Variants in ADAMTSL1 observed in about 807,000 individuals in gnomAD.
ADAMTSL1 encodes the protein ADAMTS like 1, also known as ADAMTS-like protein 1.
In ADAMTSL1, 126 loss-of-function variants were observed where a neutral mutation model predicts 201.8. The observed-to-expected ratio is 0.62, with a 90% confidence interval of 0.54 to 0.72. The LOEUF (loss-of-function observed/expected upper bound fraction) is 0.72. Ranked by LOEUF, ADAMTSL1 falls within the 30% of genes least tolerant of loss-of-function variation. The probability of loss-of-function intolerance (pLI) is 0.00; values close to 1 mark genes in which losing one functional copy is unlikely to be tolerated. For synonymous variants in ADAMTSL1, 1,121 were observed against 903.4 expected, an observed-to-expected ratio of 1.24 and a Z score of -4.32; for missense variants, 2,679 against 2,277.8, an observed-to-expected ratio of 1.18 and a Z score of -3.59.
At chr9:18,031,945 T>A (rs960164289) in intron 1 of ADAMTSL1, among the ~76,000 whole-genome samples, 2 of 152,178 alleles carry the variant, frequency 1.3e-5, no homozygotes, top group African/African-American at 4.8e-5. Context: ...GAAATTGGTA[T>A]GGTGCCCACA....
Position 18,325,900 on chromosome 9 carries a change from C to T in ADAMTSL1, c.207+161919C>T, listed in dbSNP as rs188814980. ...GGATTACAGGCATGCACCACTACGCCTGGCTAATTTTTGTGTTTTTAGTAG... is the reference window on the plus strand; with the variant it reads ...GGATTACAGGCATGCACCACTACGCTTGGCTAATTTTTGTGTTTTTAGTAG... On this transcript the variant is annotated intron_variant, in intron 2 of 29. Coordinates refer to the ADAMTSL1 transcript ENST00000680146. 1.5e-3 allele frequency among the ~76,000 whole-genome samples: 229 copies of T among 152,272 alleles called. 1 individual carries two copies. Among genetic ancestry groups the T allele is most frequent in the African/African-American group, 5.2e-3 (218 of 41,550 alleles).
intron 1 of ADAMTSL1, among the ~76,000 whole-genome samples, chr9:17,959,972 G>T (rs2131395553): frequency 6.6e-6 from 1 of 152,192 alleles, no homozygotes; most frequent in South Asian, 2.1e-4. Flanking sequence ...GTATTAGTTA[G>T]GATTAATTTC....
chr9:18,397,331 C>T (rs1817794630), intron 2 of ADAMTSL1, among the ~76,000 whole-genome samples: 1 of 152,038 alleles, frequency 6.6e-6, no homozygotes, highest in South Asian at 2.1e-4. Context: ...GAGAAAGGAA[C>T]ACATTCTCTG....
At chr9:18,475,903 A>G (rs1404181737) in intron 1 of ADAMTSL1, among the ~76,000 whole-genome samples, 4 of 152,094 alleles carry the variant, frequency 2.6e-5, no homozygotes, top group Admixed American at 2.6e-4. Context: ...TTTGCTATCC[A>G]TTTGGTAAAC....
chr9:18,763,217 A>C (rs1026709410), intron 16 of ADAMTSL1, among the ~76,000 whole-genome samples: 1 of 152,060 alleles, frequency 6.6e-6, no homozygotes, highest in Admixed American at 6.6e-5. Context: ...GGGTGAGGTG[A>C]TATCTCATTG....
At chr9:18,221,222 G>A (rs1037734304) in intron 2 of ADAMTSL1, among the ~76,000 whole-genome samples, 2 of 152,042 alleles carry the variant, frequency 1.3e-5, no homozygotes, top group East Asian at 1.9e-4. Flanking sequence ...TTTAACCCCC[G>A]CAAATTGGAC....
chr9:17,978,747 T>C (rs1032755489), intron 1 of ADAMTSL1, among the ~76,000 whole-genome samples: 2 of 152,060 alleles, frequency 1.3e-5, no homozygotes, highest in African/African-American at 4.8e-5. Flanking sequence ...TGAATTTTTC[T>C]AAATACTTAC....
At chr9:18,482,646 C>A (rs76176531) in intron 1 of ADAMTSL1, among the ~76,000 whole-genome samples, 1 of 152,216 alleles carries the variant, frequency 6.6e-6, no homozygotes, top group Non-Finnish European at 1.5e-5. Flanking sequence ...ATATACCTCA[C>A]TTTGTTCCCA....
chr9:18,132,614 ACTTCTCCAAGTGGGCTTCTTTGC>A (rs1353296461), intron 1 of ADAMTSL1, among the ~76,000 whole-genome samples: 2 of 152,118 alleles, frequency 1.3e-5, no homozygotes, highest in African/African-American at 4.8e-5. Context: ...ATTGTATCAC[ACTTCTCCAAGTGGGCTTCTTTGC>A]CTCAGGCTTC....
chr9:18,299,858 A>G (rs1833630428), intron 2 of ADAMTSL1, among the ~76,000 whole-genome samples: 1 of 152,242 alleles, frequency 6.6e-6, no homozygotes, highest in African/African-American at 2.4e-5. Flanking sequence ...ATTTCAAAAT[A>G]CCAGGAAAGT....
chr9:18,297,368 T>A (rs1164796755), intron 2 of ADAMTSL1, among the ~76,000 whole-genome samples: 1 of 151,970 alleles, frequency 6.6e-6, no homozygotes, highest in East Asian at 1.9e-4. Context: ...TTTTTCTTTT[T>A]CTTTTTTTTT....
intron 2 of ADAMTSL1, among the ~76,000 whole-genome samples, chr9:18,288,603 A>C (rs1446396766): frequency 1.3e-5 from 2 of 152,198 alleles, no homozygotes; most frequent in Non-Finnish European, 2.9e-5. Context: ...GGAAGGCAAG[A>C]AGGCAGGAAG....
At chr9:18,276,198 G>A (rs1441263627) in intron 2 of ADAMTSL1, among the ~76,000 whole-genome samples, 2 of 151,882 alleles carry the variant, frequency 1.3e-5, no homozygotes, top group Non-Finnish European at 2.9e-5. Context: ...TTGGGTGTTT[G>A]TCTTTTTATT....
chr9:18,843,760 C>A (rs1169642344), intron 23 of ADAMTSL1, among the ~76,000 whole-genome samples: 2 of 150,830 alleles, frequency 1.3e-5, no homozygotes, highest in Non-Finnish European at 2.9e-5. Flanking sequence ...CTCTAAACTT[C>A]CCTTCTCACT....
intron 8 of ADAMTSL1, among the ~76,000 whole-genome samples, chr9:18,661,539 C>T (rs541408802): frequency 8.1e-4 from 123 of 152,218 alleles, no homozygotes; most frequent in African/African-American, 2.7e-3. Context: ...CCTAGTGCCC[C>T]AGGTACTAAG....
intron 2 of ADAMTSL1, among the ~76,000 whole-genome samples, chr9:18,261,451 C>T (rs1446482375): frequency 6.6e-6 from 1 of 152,174 alleles, no homozygotes; most frequent in Non-Finnish European, 1.5e-5. Context: ...CCTCAGGAAG[C>T]TCGAGATACA....
intron 1 of ADAMTSL1, among the ~76,000 whole-genome samples, chr9:18,082,994 A>G (rs900353831): frequency 4.6e-5 from 7 of 152,230 alleles, no homozygotes; most frequent in Admixed American, 6.5e-5. Flanking sequence ...CTCTGATACA[A>G]TCAATTACTT....
intron 1 of ADAMTSL1, among the ~76,000 whole-genome samples, chr9:18,047,345 CA>C (rs1821707619): frequency 6.6e-6 from 1 of 152,140 alleles, no homozygotes; most frequent in African/African-American, 2.4e-5. Context: ...TTGGTTGTCA[CA>C]ACTTGGTGGG....
intron 2 of ADAMTSL1, among the ~76,000 whole-genome samples, chr9:18,527,438 G>T (rs1819152577): frequency 6.6e-6 from 1 of 152,150 alleles, no homozygotes; most frequent in African/African-American, 2.4e-5. Flanking sequence ...GTGAAGAGAT[G>T]ATAAGAATTT....
Sources: gnomAD v4.1 joint callset for allele counts (sites outside exome capture counted in the v4.1 genomes callset) on GRCh38, gnomAD v4.1.1 for gene constraint, MANE v1.5 for transcripts, NCBI Gene and HGNC (gene_info 2026-07-23, HGNC 2026-07-21) for gene names.